The following FBLN5 variants were observed in gnomAD, a reference collection of about 807,000 sequenced individuals.
FBLN5 encodes the protein fibulin-5.
Under a neutral mutation model 61.6 loss-of-function variants are expected in FBLN5, and 24 were observed. The observed-to-expected ratio is 0.39, with a 90% CI of 0.28 to 0.55. FBLN5 has a LOEUF of 0.55. FBLN5 is among the 20% of genes least tolerant of loss of function. The pLI, the probability that FBLN5 is intolerant of heterozygous loss-of-function variation, is 0.65. For synonymous variants in FBLN5, 213 were observed against 219.8 expected (o/e 0.97, Z 0.27); for missense variants, 470 against 594.1 (o/e 0.79, Z 2.17).
At chr14:91,901,421 T>A (rs1890445832) in intron 4 of FBLN5, among the ~76,000 whole-genome samples, 2 of 152,214 alleles carry the variant, frequency 1.3e-5, no homozygotes, top group Non-Finnish European at 2.9e-5. Flanking sequence ...AATCATTTCC[T>A]TGGTAGTAAA....
intron 4 of FBLN5, among the ~76,000 whole-genome samples, chr14:91,896,420 A>C (rs1890226940): frequency 6.7e-6 from 1 of 149,616 alleles, no homozygotes; most frequent in Non-Finnish European, 1.5e-5. Context: ...GGGTTTGCTC[A>C]TCTACACCTT....
At chr14:91,891,411 G>A in intron 5 of FBLN5, 74 bp from the exon 6 acceptor site, 3 of 954,942 alleles carry the variant, frequency 3.1e-6, no homozygotes, top group Non-Finnish European at 5.2e-6. Context: ...TGGCATGATT[G>A]CCTTGCTCTT....
chr14:91,935,408 G>A (rs563089177), intron 4 of FBLN5, among the ~76,000 whole-genome samples: 7 of 152,326 alleles, frequency 4.6e-5, no homozygotes, highest in East Asian at 1.9e-4. Context: ...AGAGTGCCTC[G>A]AAAGAATCAT....
In FBLN5 at chr14:91,943,041, C is replaced by G; in HGVS notation, c.18-80G>C. ...AGTGTGGGTCGCATGCGGCCCGTGA[C>G]GTGTAACGGTGATATCACCTTGGGC... On this transcript the variant is annotated intron_variant, in intron 1 of 10. Transcript: ENST00000342058. The surrounding 1 kb of genome is among the most constrained non-coding windows in gnomAD (Gnocchi z 4.0). 1.1e-6 allele frequency: 1 copy of G among 921,562 alleles called. No homozygotes were observed. Among genetic ancestry groups the G allele is most frequent in the Non-Finnish European group, 1.7e-6 (1 of 572,118 alleles). The allele number at this position is 921,562 out of a possible 1,614,324, so 57.1% of individuals were successfully genotyped here. A position where few individuals can be genotyped will look rare whatever the true frequency, so the allele number is the denominator to read the frequency against.
At chr14:91,892,750 C>A (rs1402137851) in intron 5 of FBLN5, among the ~76,000 whole-genome samples, 1 of 152,234 alleles carries the variant, frequency 6.6e-6, no homozygotes, top group Non-Finnish European at 1.5e-5. Flanking sequence ...GGCAGCCCCC[C>A]TGACCCCTCA....
chr14:91,915,949 T>C (rs567569670), intron 4 of FBLN5, among the ~76,000 whole-genome samples: 2 of 152,192 alleles, frequency 1.3e-5, no homozygotes, highest in African/African-American at 2.4e-5. Flanking sequence ...AAAAAAGAAA[T>C]GTGGCAGGTC....
intron 4 of FBLN5, among the ~76,000 whole-genome samples, chr14:91,917,575 CAAAAAAAAAAAAA>C (rs34458933): frequency 4.7e-5 from 3 of 63,468 alleles, no homozygotes; most frequent in Non-Finnish European, 8.0e-5. Context: ...GACTCCATCT[CAAAAAAAAAAAAA>C]AAAAAAAAAA....
intron 4 of FBLN5, among the ~76,000 whole-genome samples, chr14:91,917,107 T>C (rs1891226879): frequency 6.6e-6 from 1 of 152,156 alleles, no homozygotes; most frequent in Non-Finnish European, 1.5e-5. Context: ...TAGAAAGACA[T>C]AAGCCTGGAG....
At chr14:91,896,668 T>C (rs2139986283) in intron 4 of FBLN5, among the ~76,000 whole-genome samples, 1 of 152,244 alleles carries the variant, frequency 6.6e-6, no homozygotes, top group South Asian at 2.1e-4. Context: ...ACTCTAAGTC[T>C]ACTCCGTGCA....
At chr14:91,891,488 G>A (rs536218988) in intron 5 of FBLN5, 151 bp from the exon 6 acceptor site, 357 of 715,802 alleles carry the variant, frequency 5.0e-4, no homozygotes, top group African/African-American at 2.8e-3. Context: ...TGAGTGTCAC[G>A]GATGGTGATG....
intron 6 of FBLN5, among the ~76,000 whole-genome samples, chr14:91,889,779 C>A (rs973425438): frequency 1.3e-5 from 2 of 152,212 alleles, no homozygotes. Flanking sequence ...GTGCCCATAC[C>A]CAGGCCTGGG....
At chr14:91,894,826 T>TCCCCC in intron 5 of FBLN5, 124 bp downstream of exon 5, 8 of 159,354 alleles carry the variant, frequency 5.0e-5, no homozygotes, top group South Asian at 1.5e-4. Flanking sequence ...CTTCCACCCC[T>TCCCCC]CCCGCCCTCC....
intron 4 of FBLN5, among the ~76,000 whole-genome samples, chr14:91,929,698 GA>G (rs113857192): frequency 1.1e-4 from 16 of 152,192 alleles, no homozygotes; most frequent in African/African-American, 3.9e-4. Context: ...CAAATTGCAT[GA>G]AAAAAATAAA....
chr14:91,925,134 A>G (rs1402685108), intron 4 of FBLN5, among the ~76,000 whole-genome samples: 2 of 147,838 alleles, frequency 1.4e-5, no homozygotes, highest in Non-Finnish European at 3.0e-5. Context: ...TCATAAATCA[A>G]CTCTGGCTAG....
At chr14:91,929,165 TA>T (rs1204577828) in intron 4 of FBLN5, among the ~76,000 whole-genome samples, 18 of 149,630 alleles carry the variant, frequency 1.2e-4, no homozygotes, top group African/African-American at 3.2e-4. Flanking sequence ...ATCAGTGCAT[TA>T]AAAAAAAATT....
chr14:91,947,003 A>G lies in FBLN5; in HGVS notation c.17+210T>C. On this transcript the variant is annotated intron_variant, in intron 1 of 10. Transcript: ENST00000342058. This position sits in a 1 kb window ranked among gnomAD's most constrained non-coding sequence, Gnocchi z 4.3. Reference sequence around the variant, plus strand: ...TGATGCTGGCTTTTGAAACTGTATTAGAAAATACCCACTCCCAAAAGAACG... The same window carrying G: ...TGATGCTGGCTTTTGAAACTGTATTGGAAAATACCCACTCCCAAAAGAACG... 1 of 1,504,968 alleles carries G rather than the reference A, an allele frequency of 6.6e-7. No individual in the cohort carries two copies. Among genetic ancestry groups the G allele is most frequent in the South Asian group, 1.3e-5 (1 of 75,792 alleles). The allele number at this position is 1,504,968 out of a possible 1,614,324, so 93.2% of individuals were successfully genotyped here.
intron 9 of FBLN5, among the ~76,000 whole-genome samples, chr14:91,878,550 T>C (rs1889279133): frequency 6.6e-6 from 1 of 152,206 alleles, no homozygotes; most frequent in South Asian, 2.1e-4. Flanking sequence ...AACCTTGCTG[T>C]GTTTCTGCCA....
chr14:91,898,609 C>T (rs1203601615), intron 4 of FBLN5, among the ~76,000 whole-genome samples: 1 of 152,112 alleles, frequency 6.6e-6, no homozygotes, highest in Admixed American at 6.5e-5. Flanking sequence ...TTGGCAGGGC[C>T]TCCCTTTCCG....
In FBLN5 at chr14:91,915,520, T is replaced by C. The variant is rs1025225872; in HGVS notation, c.380-20448A>G. Reference sequence around the variant, plus strand: ...CTAATATGGTGAAACCCCGTCTCTATTAAAAATACAAAAAAATTAGCCCAG... The same window carrying C: ...CTAATATGGTGAAACCCCGTCTCTACTAAAAATACAAAAAAATTAGCCCAG... On this transcript the variant is annotated intron_variant, in intron 4 of 10. Coordinates refer to ENST00000342058, the MANE Select transcript of FBLN5 (RefSeq NM_006329.4). Among the ~76,000 whole-genome samples, 8 of 151,268 alleles carry C rather than the reference T, an allele frequency of 5.3e-5. 1 individual carries two copies. The highest frequency in any genetic ancestry group is 3.9e-4 in the East Asian group (2 of 5,114).
Sources: allele counts gnomAD v4.1 joint callset (sites outside exome capture counted in the v4.1 genomes callset), GRCh38; gene constraint gnomAD v4.1.1; non-coding constraint Gnocchi (gnomAD v3.1); transcripts MANE v1.5; gene names NCBI Gene and HGNC (gene_info 2026-07-23, HGNC 2026-07-21).